Variants in NAV3 observed in about 807,000 individuals in gnomAD.
The protein encoded by NAV3 is pore membrane and/or filament interacting like protein 1.
A neutral mutation model predicts 244.7 loss-of-function variants in NAV3; 87 were observed. The observed-to-expected ratio is 0.36, with a 90% CI of 0.30 to 0.42. The LOEUF is 0.42. NAV3 is among the 20% of genes least tolerant of loss of function. The pLI is 1.00. For synonymous variants in NAV3, 1,126 were observed against 1,042.2 expected, an observed-to-expected ratio of 1.08 and a Z score of -1.55; for missense variants, 2,663 against 2,893.3, an observed-to-expected ratio of 0.92 and a Z score of 1.83.
chr12:78,185,923 A>G (rs896089258), intron 31 of NAV3, among the ~76,000 whole-genome samples: 1 of 151,832 alleles, frequency 6.6e-6, no homozygotes, highest in Non-Finnish European at 1.5e-5. Flanking sequence ...TGAAAATAAT[A>G]TTAACAGCCC....
intron 12 of NAV3, among the ~76,000 whole-genome samples, chr12:78,108,509 GTCA>G (rs1954921170): frequency 6.6e-6 from 1 of 152,016 alleles, no homozygotes; most frequent in Non-Finnish European, 1.5e-5. Flanking sequence ...TGAAATTTGT[GTCA>G]TCAGCACATG....
intron 2 of NAV3, among the ~76,000 whole-genome samples, chr12:77,655,135 G>C (rs1426124749): frequency 6.6e-6 from 1 of 152,186 alleles, no homozygotes; most frequent in Non-Finnish European, 1.5e-5. Context: ...AGAGAAGAAG[G>C]CTTCAGATGA....
chr12:78,104,980 G>T (rs1455079793), intron 12 of NAV3, among the ~76,000 whole-genome samples: 1 of 152,040 alleles, frequency 6.6e-6, no homozygotes, highest in Non-Finnish European at 1.5e-5. Flanking sequence ...ATGAGTTTTT[G>T]TTCACAATGC....
chr12:77,610,781 C>G (rs924666290), intron 2 of NAV3, among the ~76,000 whole-genome samples: 1 of 152,010 alleles, frequency 6.6e-6, no homozygotes, highest in African/African-American at 2.4e-5. Flanking sequence ...TGAGCCTGGT[C>G]TCCATGTACA....
chr12:78,188,388 C>T (rs1958821393), intron 32 of NAV3, 45 bp downstream of exon 32: 2 of 1,479,846 alleles, frequency 1.4e-6, no homozygotes, highest in Admixed American at 3.7e-5. Flanking sequence ...AAATATGTTT[C>T]TCTTTAATTG....
chr12:77,878,399 G>T (rs768533185), intron 1 of NAV3, among the ~76,000 whole-genome samples: 6 of 151,740 alleles, frequency 4.0e-5, no homozygotes, highest in Non-Finnish European at 8.8e-5. Flanking sequence ...CTAATTTTGG[G>T]GGTATTTTTA....
intron 1 of NAV3, among the ~76,000 whole-genome samples, chr12:77,869,406 A>G (rs1880603741): frequency 6.6e-6 from 1 of 152,242 alleles, no homozygotes; most frequent in Non-Finnish European, 1.5e-5. Context: ...AAGGCATTCA[A>G]TGCAATCAAT....
In NAV3 at chr12:77,877,793, G is replaced by A. The variant is rs569229750; in HGVS notation, c.243+46089G>A. On this transcript the variant is annotated intron_variant, in intron 1 of 39. Coordinates refer to ENST00000397909, the MANE Select transcript of NAV3 (RefSeq NM_001024383.2). ...ATCATATTGGAAGTGACTGTGGTGT[G>A]GGGGTGGGAAGGAGGAGGGAGAGGC... 1.1e-4 allele frequency among the ~76,000 whole-genome samples: 16 copies of A among 152,224 alleles called. No homozygotes were observed. In the South Asian group the frequency reaches 2.9e-3, roughly 28 times the overall value.
At chr12:78,015,562 A>T (rs945087568) in intron 8 of NAV3, among the ~76,000 whole-genome samples, 1 of 152,016 alleles carries the variant, frequency 6.6e-6, no homozygotes, top group African/African-American at 2.4e-5. Context: ...TGGGTGTTTC[A>T]TGATATGAAT....
At chr12:77,999,345 C>T (rs1178247651) in intron 7 of NAV3, among the ~76,000 whole-genome samples, 1 of 152,186 alleles carries the variant, frequency 6.6e-6, no homozygotes, top group African/African-American at 2.4e-5. Context: ...TGGAAAAACA[C>T]ATGAAATTAA....
rs1868750502 is a variant in NAV3 at position 77,749,844 on chromosome 12, C to T, written c.72+177578C>T. Reference sequence around the variant, plus strand: ...CAGAGTGGGTCTAAAAGAGGCTGACCAGGTGTTTTCTAAAATATTTGATTT... The same window carrying T: ...CAGAGTGGGTCTAAAAGAGGCTGACTAGGTGTTTTCTAAAATATTTGATTT... On this transcript the variant is annotated intron_variant, in intron 2 of 8. Transcript: ENST00000550042. 1.3e-5 allele frequency among the ~76,000 whole-genome samples: 2 copies of T among 151,952 alleles called. 1 individual carries two copies. Among genetic ancestry groups the T allele is most frequent in the South Asian group, 4.1e-4 (2 of 4,830 alleles).
At chr12:78,133,995 T>C (rs935704895) in intron 18 of NAV3, among the ~76,000 whole-genome samples, 1 of 152,190 alleles carries the variant, frequency 6.6e-6, no homozygotes, top group Non-Finnish European at 1.5e-5. Flanking sequence ...CCATGCATGA[T>C]AACAATCGCT....
intron 19 of NAV3, among the ~76,000 whole-genome samples, 189 bp from the exon 20 acceptor site, chr12:78,140,093 G>T (rs1817450507): frequency 6.6e-6 from 1 of 152,134 alleles, no homozygotes; most frequent in Admixed American, 6.5e-5. Context: ...TAGGGAGTAT[G>T]GATGGGGCTC....
chr12:77,651,153 A>C (rs1476060376), intron 2 of NAV3, among the ~76,000 whole-genome samples: 1 of 152,158 alleles, frequency 6.6e-6, no homozygotes, highest in Non-Finnish European at 1.5e-5. Context: ...TTATAAAAAA[A>C]AAATTCTACT....
At chr12:77,937,119 G>T (rs990911590) in intron 1 of NAV3, among the ~76,000 whole-genome samples, 1 of 152,070 alleles carries the variant, frequency 6.6e-6, no homozygotes, top group Non-Finnish European at 1.5e-5. Context: ...TTTATTAGAA[G>T]GAACAAATAA....
intron 34 of NAV3, among the ~76,000 whole-genome samples, chr12:78,192,571 A>G (rs920823522): frequency 3.3e-5 from 5 of 151,386 alleles, no homozygotes; most frequent in Admixed American, 2.0e-4. Context: ...ACACCCAGCT[A>G]ATTTTTTTAA....
chr12:77,607,770 T>C lies in NAV3; in HGVS notation c.72+35504T>C, dbSNP rs539854669. On this transcript the variant is annotated intron_variant, in intron 2 of 8. Transcript: ENST00000550042. Reference sequence around the variant, plus strand: ...TCCCAGACTGCCTTGCAAAATCATTTAACTGTTTTCATTTGCATGTCTTGT... The same window carrying C: ...TCCCAGACTGCCTTGCAAAATCATTCAACTGTTTTCATTTGCATGTCTTGT... Among the ~76,000 whole-genome samples, 3 of 152,244 alleles carry C rather than the reference T, an allele frequency of 2.0e-5. No homozygotes were observed. The South Asian group carries it at 6.2e-4, about 32-fold the overall frequency.
chr12:77,741,223 G>A (rs1868329848), intron 2 of NAV3, among the ~76,000 whole-genome samples: 1 of 150,680 alleles, frequency 6.6e-6, no homozygotes, highest in African/African-American at 2.4e-5. Context: ...AAGGAAGCGG[G>A]GGGAAGGAGA....
chr12:78,037,031 C>A (rs940458401), intron 9 of NAV3: 3 of 702,972 alleles, frequency 4.3e-6, no homozygotes, highest in Non-Finnish European at 7.8e-6. Flanking sequence ...CCAAGGCCAG[C>A]CAGAGAGAAG....
Sources: allele counts gnomAD v4.1 joint callset (sites outside exome capture counted in the v4.1 genomes callset), GRCh38; gene constraint gnomAD v4.1.1; transcripts MANE v1.5; gene names NCBI Gene and HGNC (gene_info 2026-07-23, HGNC 2026-07-21).